Variants in OR9Q1 observed in about 807,000 individuals in gnomAD.
The protein encoded by OR9Q1 is olfactory receptor family 9 subfamily Q member 1, also known as olfactory receptor 9Q1.
For synonymous variants in OR9Q1, 153 were observed against 148.6 expected, an observed-to-expected ratio of 1.03 and a Z score of -0.22; for missense variants, 374 against 378.8, an observed-to-expected ratio of 0.99 and a Z score of 0.11.
chr11:58,058,803 C>T (rs932859874), intron 2 of OR9Q1, among the ~76,000 whole-genome samples: 9 of 152,182 alleles, frequency 5.9e-5, no homozygotes, highest in Non-Finnish European at 1.3e-4. Context: ...TTGCTGTTGT[C>T]ATAACTGACC....
intron 2 of OR9Q1, among the ~76,000 whole-genome samples, chr11:58,092,342 T>C (rs1435747522): frequency 2.1e-5 from 3 of 145,130 alleles, no homozygotes; most frequent in Non-Finnish European, 3.0e-5. Flanking sequence ...TTTTTTTTTT[T>C]ACACTGAACT....
At chr11:58,067,643 G>A (rs1853442695) in intron 2 of OR9Q1, among the ~76,000 whole-genome samples, 2 of 152,296 alleles carry the variant, frequency 1.3e-5, no homozygotes, top group South Asian at 2.1e-4. Flanking sequence ...TGTAACAGTG[G>A]TACAGTGTAC....
At chr11:58,085,372 C>T (rs1201074423) in intron 2 of OR9Q1, among the ~76,000 whole-genome samples, 4 of 151,772 alleles carry the variant, frequency 2.6e-5, no homozygotes, top group Non-Finnish European at 5.9e-5. Flanking sequence ...TTCCTTTTGT[C>T]TCTTGGTGAG....
At chr11:58,156,579 G>A (rs1211031382) in intron 2 of OR9Q1, among the ~76,000 whole-genome samples, 1 of 152,172 alleles carries the variant, frequency 6.6e-6, no homozygotes, top group Non-Finnish European at 1.5e-5. Context: ...TTGTATGACT[G>A]TAATTGTATA....
intron 2 of OR9Q1, among the ~76,000 whole-genome samples, chr11:58,137,471 G>A (rs1854200434): frequency 6.6e-6 from 1 of 152,200 alleles, no homozygotes; most frequent in Non-Finnish European, 1.5e-5. Context: ...CAGGGGCAGT[G>A]TTTCCAACTC....
chr11:58,076,420 TGGCTAGCTGTCAGCCAGGGACTGAC>T (rs1853539440), intron 2 of OR9Q1, among the ~76,000 whole-genome samples: 2 of 152,206 alleles, frequency 1.3e-5, no homozygotes, highest in African/African-American at 4.8e-5. Context: ...GCCCATTTCC[TGGCTAGCTGTCAGCCAGGGACTGAC>T]TTAGAAGCCA....
intron 2 of OR9Q1, among the ~76,000 whole-genome samples, chr11:58,100,047 G>T (rs1853768729): frequency 6.6e-6 from 1 of 152,254 alleles, no homozygotes; most frequent in Middle Eastern, 3.4e-3. Flanking sequence ...AGTGTAGGCT[G>T]GTTACAAAGC....
chr11:58,072,320 C>T (rs1055740957), intron 2 of OR9Q1: 3 of 152,586 alleles, frequency 2.0e-5, no homozygotes, highest in East Asian at 1.9e-4. Context: ...ATGAAATTCA[C>T]ATCTAGATGT....
chr11:58,152,830 T>A (rs1854366654), intron 2 of OR9Q1, among the ~76,000 whole-genome samples: 1 of 152,232 alleles, frequency 6.6e-6, no homozygotes, highest in East Asian at 1.9e-4. Flanking sequence ...TACAATTTCA[T>A]TTTTTATGTC....
chr11:58,179,396 C>T lies in OR9Q1; in HGVS notation c.-14-35C>T, dbSNP rs202103246. On this transcript the variant is annotated intron_variant, in intron 2 of 2. Transcript: ENST00000335397. Reference sequence around the variant, plus strand: ...CAAATACAGGTAAATCCTATTTGCACCTTCCTAACTTGCTTCCCATTCTAC... The same window carrying T: ...CAAATACAGGTAAATCCTATTTGCATCTTCCTAACTTGCTTCCCATTCTAC... The T allele has an allele frequency of 8.7e-5, 112 of 1,281,074 alleles. No homozygotes were observed. The African/African-American group carries it at 1.5e-3, about 17-fold the overall frequency. 79.4% of individuals were successfully genotyped at this position (1,281,074 alleles called of 1,614,324 possible).
At chr11:58,122,017 A>G (rs1041597861) in intron 2 of OR9Q1, among the ~76,000 whole-genome samples, 1 of 152,066 alleles carries the variant, frequency 6.6e-6, no homozygotes, top group Non-Finnish European at 1.5e-5. Flanking sequence ...CTTCCATGGG[A>G]TCCCTTTTTT....
At chr11:58,080,822 A>AT (rs1021248220) in intron 2 of OR9Q1, among the ~76,000 whole-genome samples, 9 of 152,094 alleles carry the variant, frequency 5.9e-5, no homozygotes, top group Admixed American at 2.0e-4. Flanking sequence ...TCCTTGGACC[A>AT]TTTTTTAAAA....
At chr11:58,102,390 A>G (rs1853792993) in intron 2 of OR9Q1, among the ~76,000 whole-genome samples, 1 of 151,604 alleles carries the variant, frequency 6.6e-6, no homozygotes, top group South Asian at 2.1e-4. Context: ...TGTTTTCATG[A>G]TGGTAGTTAT....
intron 2 of OR9Q1, among the ~76,000 whole-genome samples, chr11:58,070,166 T>C (rs554287845): frequency 1.0e-3 from 149 of 148,828 alleles, no homozygotes; most frequent in African/African-American, 3.5e-3. Context: ...CATGCCTGCA[T>C]AATTTTTGTA....
chr11:58,031,218 G>C (rs1565053729), intron 1 of OR9Q1: 1 of 1,614,120 alleles, frequency 6.2e-7, no homozygotes, highest in Admixed American at 1.7e-5. Context: ...GGTTTTATTG[G>C]GGTGGATGGT....
chr11:58,124,492 C>T (rs1854069218), intron 2 of OR9Q1: 1 of 152,024 alleles, frequency 6.6e-6, no homozygotes, highest in South Asian at 2.1e-4. Flanking sequence ...AGATTGAGTC[C>T]CTTGGGGAGG....
At chr11:58,076,918 G>A (rs1391186388) in intron 2 of OR9Q1, among the ~76,000 whole-genome samples, 1 of 152,180 alleles carries the variant, frequency 6.6e-6, no homozygotes, top group Non-Finnish European at 1.5e-5. Context: ...CTTGAGTTAT[G>A]CAAATAAAAT....
intron 2 of OR9Q1, among the ~76,000 whole-genome samples, chr11:58,157,863 T>A (rs572556515): frequency 1.3e-5 from 2 of 152,352 alleles, no homozygotes; most frequent in South Asian, 2.1e-4. Context: ...CTGATGCTTT[T>A]CTGAGCACTT....
intron 2 of OR9Q1, among the ~76,000 whole-genome samples, chr11:58,161,032 C>A (rs1338046439): frequency 6.7e-6 from 1 of 150,230 alleles, no homozygotes; most frequent in Non-Finnish European, 1.5e-5. Context: ...CTGGCCAGAA[C>A]TTCCAACTCT....
Sources: gnomAD v4.1 joint callset for allele counts (sites outside exome capture counted in the v4.1 genomes callset) on GRCh38, gnomAD v4.1.1 for gene constraint, MANE v1.5 for transcripts, NCBI Gene and HGNC (gene_info 2026-07-23, HGNC 2026-07-21) for gene names.